The following AGMO variants were observed in gnomAD, a reference collection of about 807,000 sequenced individuals.
AGMO encodes alkylglycerol monooxygenase.
AGMO carries 75 observed loss-of-function variants against 60.2 expected under a neutral mutation model. The observed-to-expected ratio is 1.25, with a 90% CI of 1.03 to 1.51. AGMO has a LOEUF of 1.51. Ranked by LOEUF, AGMO falls within the 40% of genes most tolerant of loss-of-function variation. AGMO has a pLI of 0.00. For missense variants in AGMO, 763 were observed against 525.5 expected (o/e 1.45, Z -4.42); for synonymous variants, 261 against 177.1 (o/e 1.47, Z -3.76).
intron 8 of AGMO, among the ~76,000 whole-genome samples, chr7:15,390,415 T>A (rs1784088051): frequency 6.6e-6 from 1 of 152,218 alleles, no homozygotes; most frequent in Non-Finnish European, 1.5e-5. Flanking sequence ...TGAGAAAGGA[T>A]ATGTTTAGAA....
At chr7:15,469,138 A>G (rs576461870) in intron 3 of AGMO, among the ~76,000 whole-genome samples, 22 of 152,230 alleles carry the variant, frequency 1.4e-4, no homozygotes, top group Non-Finnish European at 2.6e-4. Context: ...ATAAGTTACC[A>G]CAATTTAAAA....
chr7:15,244,776 C>T (rs1044413606), intron 12 of AGMO, among the ~76,000 whole-genome samples: 14 of 152,008 alleles, frequency 9.2e-5, no homozygotes, highest in Non-Finnish European at 1.3e-4. Flanking sequence ...CTCAGCCTCC[C>T]GAGTGGCTGG....
intron 3 of AGMO, among the ~76,000 whole-genome samples, chr7:15,489,914 C>T (rs193196477): frequency 1.1e-3 from 163 of 152,212 alleles, no homozygotes; most frequent in Non-Finnish European, 2.0e-3. Flanking sequence ...CCTCAAAATG[C>T]AACGTAGATA....
intron 3 of AGMO, among the ~76,000 whole-genome samples, chr7:15,462,905 G>C (rs1260069136): frequency 1.3e-5 from 2 of 152,092 alleles, no homozygotes; most frequent in Non-Finnish European, 2.9e-5. Context: ...ATTTCCTGGA[G>C]GGCAGGAGAA....
At chr7:15,118,442 G>T in the AGMO span, among the ~76,000 whole-genome samples, 3 of 152,044 alleles carry the variant, frequency 2.0e-5, no homozygotes, top group South Asian at 2.1e-4. Context: ...ACAGAGAGTT[G>T]TCACTATTGA....
chr7:15,382,315 T>C (rs1783726202), intron 10 of AGMO, among the ~76,000 whole-genome samples: 1 of 152,174 alleles, frequency 6.6e-6, no homozygotes, highest in Admixed American at 6.5e-5. Flanking sequence ...TTTGTACTAA[T>C]ACTGTGCTGA....
chr7:15,331,115 C>T (rs564049713), intron 12 of AGMO, among the ~76,000 whole-genome samples: 1 of 152,290 alleles, frequency 6.6e-6, no homozygotes, highest in Non-Finnish European at 1.5e-5. Flanking sequence ...AAGGAGGCCA[C>T]TCCATTAATA....
At chr7:15,181,688 A>T in the AGMO span, among the ~76,000 whole-genome samples, 1 of 152,142 alleles carries the variant, frequency 6.6e-6, no homozygotes, top group African/African-American at 2.4e-5. Context: ...CTATAACGGA[A>T]AAATTCTAGA....
At chr7:15,459,694 T>G (rs2128508240) in intron 3 of AGMO, among the ~76,000 whole-genome samples, 1 of 151,722 alleles carries the variant, frequency 6.6e-6, no homozygotes, top group African/African-American at 2.4e-5. Flanking sequence ...CTCATAGATT[T>G]TATAATGATT....
At chr7:15,291,481 T>A (rs1201253152) in intron 12 of AGMO, among the ~76,000 whole-genome samples, 3 of 152,192 alleles carry the variant, frequency 2.0e-5, no homozygotes, top group African/African-American at 7.2e-5. Context: ...ATTTTTTAAA[T>A]TTGGAAAGTA....
At chr7:15,145,165 C>A in the AGMO span, among the ~76,000 whole-genome samples, 14 of 152,154 alleles carry the variant, frequency 9.2e-5, no homozygotes, top group Admixed American at 9.2e-4. Flanking sequence ...GTCAAAATAT[C>A]ACCTGCCTAT....
intron 12 of AGMO, among the ~76,000 whole-genome samples, chr7:15,327,976 A>G (rs571207390): frequency 2.0e-5 from 3 of 151,816 alleles, no homozygotes; most frequent in South Asian, 2.1e-4. Flanking sequence ...GGGTCTCACT[A>G]TGTTGCCTGA....
the AGMO span, among the ~76,000 whole-genome samples, chr7:15,182,100 A>C: frequency 1.3e-5 from 2 of 152,218 alleles, no homozygotes; most frequent in Non-Finnish European, 2.9e-5. Context: ...AGCCAGTCAA[A>C]AAAAGGAAAA....
intron 3 of AGMO, among the ~76,000 whole-genome samples, chr7:15,513,450 C>T (rs1485994246): frequency 1.3e-5 from 2 of 152,110 alleles, no homozygotes; most frequent in Non-Finnish European, 2.9e-5. Flanking sequence ...ATTTTCTTCA[C>T]ATTCTGGTGG....
the AGMO span, among the ~76,000 whole-genome samples, chr7:15,156,301 A>G: frequency 6.6e-6 from 1 of 152,322 alleles, no homozygotes; most frequent in African/African-American, 2.4e-5. Flanking sequence ...GCTGCTGGCA[A>G]GCTGAGGCTG....
chr7:15,268,014 T>C (rs762863303), intron 12 of AGMO, among the ~76,000 whole-genome samples: 3 of 151,958 alleles, frequency 2.0e-5, no homozygotes, highest in Non-Finnish European at 4.4e-5. Flanking sequence ...TGAACAACTA[T>C]TGTGGGTGCC....
intron 12 of AGMO, among the ~76,000 whole-genome samples, chr7:15,360,491 A>G (rs1010314419): frequency 6.6e-6 from 1 of 152,242 alleles, no homozygotes; most frequent in Non-Finnish European, 1.5e-5. Context: ...CAATAAAGCT[A>G]AAGAAAAGAA....
chr7:15,527,818 T>G (rs1784165214), intron 3 of AGMO, among the ~76,000 whole-genome samples: 1 of 152,132 alleles, frequency 6.6e-6, no homozygotes, highest in Admixed American at 6.5e-5. Context: ...TTATGCTAAA[T>G]GTACTCTGCC....
At chr7:15,550,413 C>A (rs1784916693) in intron 2 of AGMO, among the ~76,000 whole-genome samples, 1 of 152,044 alleles carries the variant, frequency 6.6e-6, no homozygotes, top group African/African-American at 2.4e-5. Flanking sequence ...AATTGATAGA[C>A]CGCTAGCAAG....
Sources: allele counts gnomAD v4.1 joint callset (sites outside exome capture counted in the v4.1 genomes callset), GRCh38; gene constraint gnomAD v4.1.1; transcripts MANE v1.5; gene names NCBI Gene and HGNC (gene_info 2026-07-23, HGNC 2026-07-21).